The following FOXO3 variants were observed in gnomAD, a reference collection of about 807,000 sequenced individuals.
The protein encoded by FOXO3 is forkhead box O3.
Under a neutral mutation model 41.9 loss-of-function variants are expected in FOXO3, and 4 were observed. That is an observed-to-expected ratio of 0.10 (90% CI 0.05 to 0.22). The LOEUF is 0.22. Ranked by LOEUF, FOXO3 falls within the 10% of genes least tolerant of loss-of-function variation. The pLI is 1.00. For synonymous variants in FOXO3, 318 were observed against 389.3 expected (o/e 0.82, Z 2.16); for missense variants, 534 against 906.8 (o/e 0.59, Z 5.28).
chr6:108,624,228 C>T (rs1582790530), intron 1 of FOXO3, among the ~76,000 whole-genome samples: 1 of 151,854 alleles, frequency 6.6e-6, no homozygotes, highest in East Asian at 1.9e-4. Context: ...GAGCCAAAGG[C>T]TTTTGAAGCC....
rs185671214 is a variant in FOXO3, at chr6:108,665,412, A to G, written c.*34+523A>G. 8.7e-4 allele frequency among the ~76,000 whole-genome samples: 133 copies of G among 152,338 alleles called. 1 individual carries two copies. The highest frequency in any genetic ancestry group is 3.0e-3 in the African/African-American group (126 of 41,584). On this transcript the variant is annotated intron_variant, in intron 2 of 2. Coordinates refer to ENST00000406360, the MANE Select transcript of FOXO3 (RefSeq NM_001455.4). ...CAGGTACTTCTAATTTGCCTGCAGA[A>G]TATGTATTCTAGACTCTTTCATATA...
chr6:108,660,178 A>G (rs1778801490), intron 1 of FOXO3, among the ~76,000 whole-genome samples: 1 of 152,232 alleles, frequency 6.6e-6, no homozygotes. Flanking sequence ...TATTTAATAT[A>G]TCTAGTGACC....
intron 1 of FOXO3, among the ~76,000 whole-genome samples, chr6:108,566,330 A>G (rs776459472): frequency 4.6e-5 from 7 of 152,246 alleles, no homozygotes; most frequent in Non-Finnish European, 1.0e-4. Flanking sequence ...ATGACACCAT[A>G]CAAGAACATC....
chr6:108,655,647 C>T (rs548719459), intron 1 of FOXO3, among the ~76,000 whole-genome samples: 1 of 152,266 alleles, frequency 6.6e-6, no homozygotes, highest in East Asian at 1.9e-4. Flanking sequence ...GGGTGAAGAA[C>T]TACTACTGAA....
intron 1 of FOXO3, among the ~76,000 whole-genome samples, chr6:108,655,257 A>G (rs751329581): frequency 2.6e-5 from 4 of 152,204 alleles, no homozygotes; most frequent in Non-Finnish European, 5.9e-5. Context: ...TTTCAAAAGA[A>G]AAGCAGATCT....
At chr6:108,642,824 GCTGGGAGAGTCACAGGTAGGATAGT>G (rs1449198334) in intron 1 of FOXO3, among the ~76,000 whole-genome samples, 1 of 152,164 alleles carries the variant, frequency 6.6e-6, no homozygotes, top group Non-Finnish European at 1.5e-5. Context: ...TTGGACAGTT[GCTGGGAGAGTCACAGGTAGGATAGT>G]CTGATCCCTG....
rs987129867 is a variant in FOXO3, at chr6:108,603,294, A to G, written c.621+41465A>G. 3.3e-5 allele frequency among the ~76,000 whole-genome samples: 5 copies of G among 152,306 alleles called. No individual in the cohort carries two copies. The East Asian group carries it at 9.6e-4, about 29-fold the overall frequency. On this transcript the variant is annotated intron_variant, in intron 1 of 2. Coordinates refer to ENST00000406360, the MANE Select transcript of FOXO3 (RefSeq NM_001455.4). ...AGAAGGATCCCATTCTTACAAATAA[A>G]TGAATAAAGGAGACTAGCAGAATCT...
chr6:108,572,123 A>G (rs1776120009), intron 1 of FOXO3, among the ~76,000 whole-genome samples: 2 of 152,278 alleles, frequency 1.3e-5, no homozygotes, highest in South Asian at 2.1e-4. Flanking sequence ...GTGAACTGAC[A>G]GTATGGCCGT....
chr6:108,588,619 G>A (rs1776650517), intron 1 of FOXO3, among the ~76,000 whole-genome samples: 1 of 152,210 alleles, frequency 6.6e-6, no homozygotes, highest in Non-Finnish European at 1.5e-5. Flanking sequence ...CCAAAAGGCA[G>A]AGGTTAAGAA....
chr6:108,612,306 C>G (rs1404948204), intron 1 of FOXO3, among the ~76,000 whole-genome samples: 1 of 152,122 alleles, frequency 6.6e-6, no homozygotes, highest in East Asian at 1.9e-4. Flanking sequence ...AATGTTGTAA[C>G]TGCTAAACTC....
chr6:108,645,300 G>A (rs1003596135), intron 1 of FOXO3, among the ~76,000 whole-genome samples: 3 of 152,058 alleles, frequency 2.0e-5, no homozygotes, highest in African/African-American at 7.2e-5. Context: ...TGTTGCTAAG[G>A]CATTGGCCCA....
At position 108,623,402 on chromosome 6, in the gene FOXO3, C is replaced by T. The variant is rs141419383; in HGVS notation, c.622-40053C>T. On this transcript the variant is annotated intron_variant, in intron 1 of 2. Transcript: ENST00000406360. ...AAATCTTTCCTTTTTAATGTGTCAC[C>T]TCTTCAGTTTGGGTGGAGAAGCTTG... 4.2e-3 allele frequency among the ~76,000 whole-genome samples: 638 copies of T among 152,232 alleles called. 3 individuals carry two copies. The highest frequency in any genetic ancestry group is 6.5e-3 in the Non-Finnish European group (444 of 68,028).
intron 1 of FOXO3, among the ~76,000 whole-genome samples, chr6:108,593,050 A>G (rs1448921687): frequency 6.6e-6 from 1 of 152,190 alleles, no homozygotes; most frequent in Non-Finnish European, 1.5e-5. Flanking sequence ...TTGAGTATTT[A>G]TTTTTAAAGT....
intron 1 of FOXO3, among the ~76,000 whole-genome samples, chr6:108,603,481 C>T (rs904383409): frequency 1.3e-5 from 2 of 152,012 alleles, no homozygotes; most frequent in African/African-American, 4.8e-5. Context: ...ATAAAGGACC[C>T]TCCTTTTTTT....
intron 1 of FOXO3, among the ~76,000 whole-genome samples, chr6:108,630,929 T>A (rs895780015): frequency 1.3e-5 from 2 of 152,182 alleles, no homozygotes; most frequent in Non-Finnish European, 2.9e-5. Flanking sequence ...ATGCAAAAAA[T>A]AATCTTGGGC....
At chr6:108,659,267 T>A (rs898073048) in intron 1 of FOXO3, among the ~76,000 whole-genome samples, 1 of 152,168 alleles carries the variant, frequency 6.6e-6, no homozygotes, top group Admixed American at 6.5e-5. Flanking sequence ...CATAAACAAA[T>A]TAAAATAGTA....
At chr6:108,598,189 C>T (rs544263452) in intron 1 of FOXO3, among the ~76,000 whole-genome samples, 114 of 152,306 alleles carry the variant, frequency 7.5e-4, no homozygotes, top group African/African-American at 2.6e-3. Context: ...TCTTTGCCTT[C>T]TTCCTCCCTA....
chr6:108,562,314 T>C (rs985715456), intron 1 of FOXO3, among the ~76,000 whole-genome samples: 4 of 152,036 alleles, frequency 2.6e-5, no homozygotes, highest in Non-Finnish European at 5.9e-5. Flanking sequence ...ACTAGCTGAA[T>C]GAGAACCTTC....
At chr6:108,620,511 T>C (rs926990976) in intron 1 of FOXO3, among the ~76,000 whole-genome samples, 2 of 152,166 alleles carry the variant, frequency 1.3e-5, no homozygotes, top group African/African-American at 4.8e-5. Context: ...AGCTGGTAGA[T>C]GGTAGGGCTG....
Sources: allele counts gnomAD v4.1 joint callset (sites outside exome capture counted in the v4.1 genomes callset), GRCh38; gene constraint gnomAD v4.1.1; transcripts MANE v1.5; gene names NCBI Gene and HGNC (gene_info 2026-07-23, HGNC 2026-07-21).